Variants in ARRDC4 observed in about 807,000 individuals in gnomAD.
ARRDC4 encodes the protein arrestin domain containing 4.
ARRDC4 carries 40 observed loss-of-function variants against 44.6 expected under a neutral mutation model. The observed-to-expected ratio is 0.90, with a 90% CI of 0.70 to 1.17. ARRDC4 has a LOEUF of 1.17. Ranked by LOEUF, ARRDC4 falls within the 50% of genes most tolerant of loss-of-function variation. The pLI is 0.00. For missense variants in ARRDC4, 550 were observed against 559.1 expected (o/e 0.98, Z 0.16); for synonymous variants, 211 against 221.2 (o/e 0.95, Z 0.41).
chr15:97,964,331 G>A (rs1899378091), intron 1 of ARRDC4, among the ~76,000 whole-genome samples: 1 of 151,420 alleles, frequency 6.6e-6, no homozygotes, highest in African/African-American at 2.4e-5. Flanking sequence ...TCATTTTAGT[G>A]TCAGATGACC....
rs1899407806 is a variant in ARRDC4, at chr15:97,965,741, C to T, written c.374+75C>T. The T allele has an allele frequency of 1.7e-5, 26 of 1,499,526 alleles. No individual in the cohort carries two copies. The highest frequency in any genetic ancestry group is 2.4e-5 in the Non-Finnish European group (26 of 1,076,894). The allele number at this position is 1,499,526 out of a possible 1,614,324, so 92.9% of individuals were successfully genotyped here. On this transcript the variant is annotated intron_variant, in intron 2 of 7. Transcript: ENST00000268042. This position sits in a 1 kb window ranked among gnomAD's most constrained non-coding sequence, Gnocchi z 5.1. ...ATTCAAGTTTATCACTGCTAGGTCT[C>T]TTCTGATTCTCAAGTATGCATGTTT...
Position 97,968,201 on chromosome 15 carries a change from T to C in ARRDC4, c.625+85T>C. The C allele has an allele frequency of 1.2e-6, 1 of 817,636 alleles. No homozygotes were observed. The highest frequency in any genetic ancestry group is 1.8e-6 in the Non-Finnish European group (1 of 541,552). The allele number at this position is 817,636 out of a possible 1,614,324, so 50.6% of individuals were successfully genotyped here. A position where few individuals can be genotyped will look rare whatever the true frequency, so the allele number is the denominator to read the frequency against. Reference sequence around the variant, plus strand: ...AAGTGATTTTAAATAGTGTTTTTTGTAATTATATGACGTGTATAGTATTTT... The same window carrying C: ...AAGTGATTTTAAATAGTGTTTTTTGCAATTATATGACGTGTATAGTATTTT... On this transcript the variant is annotated intron_variant, in intron 4 of 7. Coordinates refer to ENST00000268042, the MANE Select transcript of ARRDC4 (RefSeq NM_183376.3). The surrounding 1 kb of genome is among the most constrained non-coding windows in gnomAD (Gnocchi z 5.4).
At position 97,971,429 on chromosome 15, in the gene ARRDC4, C is replaced by G. The variant is rs1567195172; in HGVS notation, c.*242C>G. ...ACTGGGATGAAGATGTGCAAAGTCACAGAATGTAATGGAAGTCCTGATGGT... is the reference window on the plus strand; with the variant it reads ...ACTGGGATGAAGATGTGCAAAGTCAGAGAATGTAATGGAAGTCCTGATGGT... On this transcript the variant is annotated 3_prime_UTR_variant, in exon 8 of 8. Coordinates refer to ENST00000268042, the MANE Select transcript of ARRDC4 (RefSeq NM_183376.3). 2.0e-6 allele frequency: 1 copy of G among 491,164 alleles called. No individual in the cohort carries two copies. Among genetic ancestry groups the G allele is most frequent in the Non-Finnish European group, 3.7e-6 (1 of 270,758 alleles). 30.4% of individuals were successfully genotyped at this position (491,164 alleles called of 1,614,324 possible).
intron 1 of ARRDC4, among the ~76,000 whole-genome samples, chr15:97,961,435 G>A (rs62023727): frequency 6.6e-6 from 1 of 152,124 alleles, no homozygotes; most frequent in African/African-American, 2.4e-5. Context: ...GGGCCATTGG[G>A]TGCGGTGGGA....
chr15:97,969,352 C>G lies in ARRDC4; in HGVS notation c.855C>G (p.Cys285Trp), dbSNP rs952133869. Residue 285 changes from cysteine (C) to tryptophan (W), a missense_variant, in exon 5 of 8, where the codon TGC becomes TGG. By Grantham distance (215) the Cys-to-Trp change is radical (BLOSUM62 -2). Coordinates refer to ENST00000268042, the MANE Select transcript of ARRDC4 (RefSeq NM_183376.3). Reference sequence around the variant, plus strand: ...TTACTCCATCCATCCTGGATTGCTGCATTATCAGAGTGGACTATTCCTTAG... The same window carrying G: ...TTACTCCATCCATCCTGGATTGCTGGATTATCAGAGTGGACTATTCCTTAG... Reference protein sequence around the residue: ...PPVTPSILDCCIIRVDYSLAV... With the variant: ...PPVTPSILDCWIIRVDYSLAV... The G allele has an allele frequency of 1.9e-6, 3 of 1,613,376 alleles. No homozygotes were observed. The highest frequency in any genetic ancestry group is 2.5e-6 in the Non-Finnish European group (3 of 1,179,762).
intron 1 of ARRDC4, among the ~76,000 whole-genome samples, chr15:97,961,421 G>A (rs1237087092): frequency 6.6e-6 from 1 of 152,114 alleles, no homozygotes; most frequent in Non-Finnish European, 1.5e-5. Flanking sequence ...ACCGCGACGG[G>A]AGGGGGCCAT....
At position 97,971,580 on chromosome 15, in the gene ARRDC4, A is replaced by T. The variant is rs1467379257; in HGVS notation, c.*393A>T. On this transcript the variant is annotated 3_prime_UTR_variant, in exon 8 of 8. Coordinates refer to ENST00000268042, the MANE Select transcript of ARRDC4 (RefSeq NM_183376.3). ...GGCGATATGAACTGAAGGGGTGAAG[A>T]CTTGATTTTGGAGAGGGCAACAAAA... The T allele has an allele frequency of 1.8e-5, 4 of 217,512 alleles. No individual in the cohort carries two copies. The highest frequency in any genetic ancestry group is 9.2e-5 in the African/African-American group (4 of 43,544). The allele number at this position is 217,512 out of a possible 1,614,324, so 13.5% of individuals were successfully genotyped here. A position where few individuals can be genotyped will look rare whatever the true frequency, so the allele number is the denominator to read the frequency against.
rs1899496742 is a variant in ARRDC4, at chr15:97,970,723, C to T, written c.1180C>T (p.Pro394Ser). ...FACIQEFRFQ[P>S]PPLYSEVDPH... ...CTGTATACAAGAATTCCGGTTTCAA[C>T]CCCCACCTCTTTATTCAGAGGTAAG... The change falls in exon 7 of 8, where the codon CCC (proline) becomes TCC (serine). Residue 394 changes from proline to serine, a missense_variant. Pro to Ser is a moderately conservative substitution (Grantham distance 74). Transcript: ENST00000268042. This position sits in a 1 kb window ranked among gnomAD's most constrained non-coding sequence, Gnocchi z 4.2. 1 of 1,613,044 alleles carries T rather than the reference C, an allele frequency of 6.2e-7. No individual in the cohort carries two copies. The highest frequency in any genetic ancestry group is 2.2e-5 in the East Asian group (1 of 44,862).
At position 97,965,024 on chromosome 15, in the gene ARRDC4, A is replaced by T. The variant is rs550824946; in HGVS notation, c.308-576A>T. 8.3e-4 allele frequency among the ~76,000 whole-genome samples: 126 copies of T among 152,084 alleles called. No individual in the cohort carries two copies. Among genetic ancestry groups the T allele is most frequent in the African/African-American group, 2.9e-3 (121 of 41,458 alleles). On this transcript the variant is annotated intron_variant, in intron 1 of 7. Transcript: ENST00000268042. This position sits in a 1 kb window ranked among gnomAD's most constrained non-coding sequence, Gnocchi z 5.1. ...CACACACACACACACACACATATACATATCCATATACACATATATATGTAT... is the reference window on the plus strand; with the variant it reads ...CACACACACACACACACACATATACTTATCCATATACACATATATATGTAT...
intron 1 of ARRDC4, among the ~76,000 whole-genome samples, chr15:97,963,877 G>A (rs1365830667): frequency 6.6e-6 from 1 of 152,094 alleles, no homozygotes; most frequent in East Asian, 1.9e-4. Flanking sequence ...AGGAGCACTG[G>A]GATTGCCTTG....
In ARRDC4 at chr15:97,967,821, C is replaced by T. The variant is rs1899443026; in HGVS notation, c.523-193C>T. On this transcript the variant is annotated intron_variant, in intron 3 of 7. Coordinates refer to ENST00000268042, the MANE Select transcript of ARRDC4 (RefSeq NM_183376.3). The surrounding 1 kb of genome is among the most constrained non-coding windows in gnomAD (Gnocchi z 5.0). ...GAATCTGAAAATTCACTGTAGTTTT[C>T]CTAAAAGGGGAGTCTTAACACCCTG... Among the ~76,000 whole-genome samples the T allele has an allele frequency of 6.6e-6, 1 of 151,810 alleles. No homozygotes were observed. Among genetic ancestry groups the T allele is most frequent in the African/African-American group, 2.4e-5 (1 of 41,318 alleles).
In ARRDC4 at chr15:97,969,469, A is replaced by G. The variant is rs1048021580; in HGVS notation, c.882+90A>G. The stretch of plus-strand genomic sequence containing the variant: ...TGGGTATGTAGAGTTGCCTATAAAA[A>G]TGTCATTTTATTTCAGCATTAACAC... On this transcript the variant is annotated intron_variant, in intron 5 of 7. Coordinates refer to ENST00000268042, the MANE Select transcript of ARRDC4 (RefSeq NM_183376.3). The G allele has an allele frequency of 5.6e-6, 8 of 1,425,670 alleles. No homozygotes were observed. The Admixed American group carries it at 1.4e-4, about 25-fold the overall frequency. The allele number at this position is 1,425,670 out of a possible 1,614,324, so 88.3% of individuals were successfully genotyped here.
At position 97,966,669 on chromosome 15, in the gene ARRDC4, C is replaced by T. The variant is rs965228248; in HGVS notation, c.522+627C>T. On this transcript the variant is annotated intron_variant, in intron 3 of 7. Transcript: ENST00000268042. The surrounding 1 kb of genome is among the most constrained non-coding windows in gnomAD (Gnocchi z 4.7). ...ATAAGAAAGATCAGGCTATAAGTAA[C>T]AACAGAATAGGCAAGATGGGAGCTA... Among the ~76,000 whole-genome samples, 6 of 152,118 alleles carry T rather than the reference C, an allele frequency of 3.9e-5. No homozygotes were observed. The highest frequency in any genetic ancestry group is 1.5e-5 in the Non-Finnish European group (1 of 68,014).
intron 1 of ARRDC4, among the ~76,000 whole-genome samples, chr15:97,962,030 T>C (rs549270328): frequency 1.3e-5 from 2 of 152,336 alleles, no homozygotes; most frequent in Non-Finnish European, 2.9e-5. Flanking sequence ...CTAAGAACCA[T>C]GAGTCTTACT....
rs1285226410 is a variant in ARRDC4, at chr15:97,960,853, C to T, written c.-9C>T. The T allele has an allele frequency of 4.5e-6, 6 of 1,341,640 alleles. No individual in the cohort carries two copies. Among genetic ancestry groups the T allele is most frequent in the Non-Finnish European group, 5.8e-6 (6 of 1,041,498 alleles). 83.1% of individuals were successfully genotyped at this position (1,341,640 alleles called of 1,614,324 possible). A position where few individuals can be genotyped will look rare whatever the true frequency, so the allele number is the denominator to read the frequency against. ...CGACCTCAGGGGCAGGAAAGAGTCG[C>T]CCGGCGGGATGGGCGGGGAGGCTGG... On this transcript the variant is annotated 5_prime_UTR_variant, in exon 1 of 8. Coordinates refer to ENST00000268042, the MANE Select transcript of ARRDC4 (RefSeq NM_183376.3).
At chr15:97,963,538 TG>T (rs771812507) in intron 1 of ARRDC4, among the ~76,000 whole-genome samples, 2 of 152,196 alleles carry the variant, frequency 1.3e-5, no homozygotes, top group Non-Finnish European at 2.9e-5. Flanking sequence ...TCCCCACAAA[TG>T]CCTGCCATGC....
chr15:97,967,947 AT>A lies in ARRDC4; in HGVS notation c.523-63del. ...CAACCATTCTGTGAAGATAGATATAATTTTAAGTTCTATGAGTTCTCTAGAG... is the reference window on the plus strand; with the variant it reads ...CAACCATTCTGTGAAGATAGATATAATTTAAGTTCTATGAGTTCTCTAGAG... On this transcript the variant is annotated intron_variant, in intron 3 of 7. Transcript: ENST00000268042. The surrounding 1 kb of genome is among the most constrained non-coding windows in gnomAD (Gnocchi z 5.0). The A allele has an allele frequency of 1.0e-6, 1 of 1,000,460 alleles. No homozygotes were observed. The highest frequency in any genetic ancestry group is 1.5e-6 in the Non-Finnish European group (1 of 682,540). 62.0% of individuals were successfully genotyped at this position (1,000,460 alleles called of 1,614,324 possible). A position where few individuals can be genotyped will look rare whatever the true frequency, so the allele number is the denominator to read the frequency against.
chr15:97,969,170 C>T lies in ARRDC4; in HGVS notation c.673C>T (p.Leu225=). 1 of 1,613,884 alleles carries T rather than the reference C, an allele frequency of 6.2e-7. No homozygotes were observed. The highest frequency in any genetic ancestry group is 8.5e-7 in the Non-Finnish European group (1 of 1,179,850). ...YAEIENCSSR[L]IVPKAAIFQT... is the part of the protein sequence containing the mutation. ...AGAAATAGAAAATTGTTCCTCTCGT[C>T]TGATTGTTCCAAAGGCTGCTATTTT... is the stretch of plus-strand genomic sequence containing the variant. Residue 225 remains leucine, a synonymous_variant, in exon 5 of 8, where the codon CTG becomes TTG. Coordinates refer to ENST00000268042, the MANE Select transcript of ARRDC4 (RefSeq NM_183376.3).
chr15:97,969,119 T>C lies in ARRDC4; in HGVS notation c.626-4T>C, dbSNP rs1237290081. 6.2e-7 allele frequency: 1 copy of C among 1,610,372 alleles called. No individual in the cohort carries two copies. The highest frequency in any genetic ancestry group is 1.7e-5 in the Admixed American group (1 of 59,792). On this transcript the variant is annotated splice_region_variant and splice_polypyrimidine_tract_variant and intron_variant, in intron 4 of 7. Transcript: ENST00000268042. ...AATCCTCCCTGGTTTTGTTTTCTTT[T>C]TAGGAGAAGCTATTCCAATCTATGC...
Sources: allele counts gnomAD v4.1 joint callset (sites outside exome capture counted in the v4.1 genomes callset), GRCh38; gene constraint gnomAD v4.1.1; non-coding constraint Gnocchi (gnomAD v3.1); transcripts MANE v1.5; gene names NCBI Gene and HGNC (gene_info 2026-07-23, HGNC 2026-07-21).